NLE1: variants seen among roughly 807,000 people sequenced by gnomAD.
The protein encoded by NLE1 is notchless protein homolog 1.
Under a neutral mutation model 62.8 loss-of-function variants are expected in NLE1, and 37 were observed. The ratio of observed to expected loss-of-function variants is 0.59; its 90% confidence interval spans 0.45 to 0.78. NLE1 has a LOEUF of 0.78. NLE1 is among the 30% of genes least tolerant of loss of function. The pLI is 0.00. For synonymous variants in NLE1, 243 were observed against 253.0 expected (o/e 0.96, Z 0.37); for missense variants, 555 against 637.9 (o/e 0.87, Z 1.40).
chr17:35,129,269 G>A lies in NLE1; in HGVS notation c.*3168C>T, dbSNP rs1375831567. The A allele has an allele frequency of 4.2e-6, 4 of 945,012 alleles. No homozygotes were observed. The highest frequency in any genetic ancestry group is 1.6e-5 in the African/African-American group (1 of 61,106). The allele number at this position is 945,012 out of a possible 1,614,324, so 58.5% of individuals were successfully genotyped here. ...CTTCGGGGCAGGGGTTCCACACTCA[G>A]TGCTGCAGTACCTTGCACCTTCCAT... On this transcript the variant is annotated 3_prime_UTR_variant, in exon 13 of 13. Coordinates refer to ENST00000442241, the MANE Select transcript of NLE1 (RefSeq NM_018096.5).
Position 35,130,522 on chromosome 17 carries a change from C to A in NLE1, c.*1915G>T. On this transcript the variant is annotated 3_prime_UTR_variant, in exon 13 of 13. Coordinates refer to ENST00000442241, the MANE Select transcript of NLE1 (RefSeq NM_018096.5). ...AGAGCCATGAGACCTACCATACCAC[C>A]AGCACCCTGCGGGCCCGGGGTCTGG... 7.2e-7 allele frequency: 1 copy of A among 1,396,048 alleles called. No homozygotes were observed. Among genetic ancestry groups the A allele is most frequent in the Non-Finnish European group, 9.8e-7 (1 of 1,021,020 alleles). 86.5% of individuals were successfully genotyped at this position (1,396,048 alleles called of 1,614,324 possible).
Position 35,136,160 on chromosome 17 carries a change from C to G in NLE1, c.1011+9G>C. 1.9e-6 allele frequency: 3 copies of G among 1,614,104 alleles called. No homozygotes were observed. The South Asian group carries it at 3.3e-5, about 18-fold the overall frequency. On this transcript the variant is annotated intron_variant, in intron 9 of 12. Coordinates refer to ENST00000442241, the MANE Select transcript of NLE1 (RefSeq NM_018096.5). Reference sequence around the variant, plus strand: ...GAGCTAGGGGTGCACGTGGCTGGCACACACTCACCCGCACGAGGTTGTATC... The same window carrying G: ...GAGCTAGGGGTGCACGTGGCTGGCAGACACTCACCCGCACGAGGTTGTATC...
In NLE1 at chr17:35,139,757, C is replaced by T. The variant is rs944139220; in HGVS notation, c.380+92G>A. On this transcript the variant is annotated intron_variant, in intron 3 of 12. Coordinates refer to ENST00000442241, the MANE Select transcript of NLE1 (RefSeq NM_018096.5). Reference sequence around the variant, plus strand: ...GGGTCTATGGTAGGCAGCCCTGAGGCCCCATCAATTATAACTCTGGGAGAC... The same window carrying T: ...GGGTCTATGGTAGGCAGCCCTGAGGTCCCATCAATTATAACTCTGGGAGAC... 11 of 1,529,066 alleles carry T rather than the reference C, an allele frequency of 7.2e-6. No homozygotes were observed. In the African/African-American group the frequency reaches 1.2e-4, roughly 17 times the overall value. The allele number at this position is 1,529,066 out of a possible 1,614,324, so 94.7% of individuals were successfully genotyped here.
At chr17:35,137,746 C>A in intron 5 of NLE1, 68 bp downstream of exon 5, 1 of 1,228,928 alleles carries the variant, frequency 8.1e-7, no homozygotes, top group Non-Finnish European at 1.2e-6. Context: ...ACTCCTGAAC[C>A]TGATTCTGAA....
At chr17:35,135,527 C>A (rs766516156) in intron 9 of NLE1, 76 bp from the exon 10 acceptor site, 41 of 1,310,146 alleles carry the variant, frequency 3.1e-5, no homozygotes, top group Non-Finnish European at 4.4e-5. Context: ...TGGCAGCAAG[C>A]ATACACCCTG....
Position 35,139,314 on chromosome 17 carries a change from C to T in NLE1, c.381G>A (p.Lys127=). 1 of 1,613,732 alleles carries T rather than the reference C, an allele frequency of 6.2e-7. No homozygotes were observed. The highest frequency in any genetic ancestry group is 1.3e-5 in the African/African-American group (1 of 75,042). Residue 127 remains lysine, a splice_region_variant and synonymous_variant, in exon 4 of 13, where the codon AAG becomes AAA. Transcript: ENST00000442241. ...VISVAFSPTG[K]YLASGSGDTT... is the part of the protein sequence containing the mutation. ...TGTCTCCAGAGCCACTGGCCAGGTA[C>T]CTGGGGAAGAAGAGAGGATGCTTGA...
rs2091897565 is a variant in NLE1 at position 35,134,567 on chromosome 17, T to C, written c.1214+682A>G. ...GGCACGTGCCACTATGCCTGGCTAATTTTTGTATTTTTAGTAGAGACAGGG... is the reference window on the plus strand; with the variant it reads ...GGCACGTGCCACTATGCCTGGCTAACTTTTGTATTTTTAGTAGAGACAGGG... On this transcript the variant is annotated intron_variant, in intron 10 of 12. Transcript: ENST00000442241. Among the ~76,000 whole-genome samples the C allele has an allele frequency of 2.6e-5, 4 of 152,180 alleles. No homozygotes were observed. The South Asian group carries it at 8.3e-4, about 32-fold the overall frequency.
chr17:35,136,139 T>C (rs1020337313), intron 9 of NLE1, 30 bp downstream of exon 9: 15 of 1,612,934 alleles, frequency 9.3e-6, no homozygotes, highest in Non-Finnish European at 1.2e-5. Context: ...GGTACAGAGC[T>C]AGGGGTGCAC....
rs750858479 is a variant in NLE1, at chr17:35,137,915, T to C, written c.461-25A>G. The C allele has an allele frequency of 7.0e-6, 11 of 1,574,390 alleles. No homozygotes were observed. The Admixed American group carries it at 1.5e-4, about 22-fold the overall frequency. ...CCTAAGAAAGCAGAGGAGGGAGAAA[T>C]AAGGGACTACATCTGTCTTTATCCC... On this transcript the variant is annotated intron_variant, in intron 4 of 12. Coordinates refer to ENST00000442241, the MANE Select transcript of NLE1 (RefSeq NM_018096.5).
intron 9 of NLE1, 28 bp downstream of exon 9, chr17:35,136,141 G>T: frequency 6.2e-7 from 1 of 1,613,096 alleles, no homozygotes; most frequent in Middle Eastern, 1.7e-4. Flanking sequence ...TACAGAGCTA[G>T]GGGTGCACGT....
Position 35,135,556 on chromosome 17 carries a change from CAGAG to C in NLE1, c.1012-109_1012-106del, listed in dbSNP as rs550371740. The C allele has an allele frequency of 1.5e-4, 152 of 982,904 alleles. No homozygotes were observed. In the African/African-American group the frequency reaches 2.1e-3, roughly 14 times the overall value. The allele number at this position is 982,904 out of a possible 1,614,324, so 60.9% of individuals were successfully genotyped here. A position where few individuals can be genotyped will look rare whatever the true frequency, so the allele number is the denominator to read the frequency against. On this transcript the variant is annotated intron_variant, in intron 9 of 12. Coordinates refer to ENST00000442241, the MANE Select transcript of NLE1 (RefSeq NM_018096.5). ...CACCCTGATTACTCAATGCCAGGGA[CAGAG>C]AGAGGCCAGCGCTAGGAGCAATGAG... is the stretch of plus-strand genomic sequence containing the variant.
rs2091903240 is a variant in NLE1 at position 35,135,522 on chromosome 17, G to A, written c.1012-71C>T. The A allele has an allele frequency of 2.9e-6, 4 of 1,356,108 alleles. No individual in the cohort carries two copies. The Admixed American group carries it at 5.5e-5, about 19-fold the overall frequency. The allele number at this position is 1,356,108 out of a possible 1,614,324, so 84.0% of individuals were successfully genotyped here. On this transcript the variant is annotated intron_variant, in intron 9 of 12. Coordinates refer to ENST00000442241, the MANE Select transcript of NLE1 (RefSeq NM_018096.5). ...GAAGGAGGAGGGCCCGACTTTGGCA[G>A]CAAGCATACACCCTGATTACTCAAT...
At position 35,139,312 on chromosome 17, in the gene NLE1, T is replaced by C. The variant is rs2091928519; in HGVS notation, c.383A>G (p.Tyr128Cys). ...ISVAFSPTGK[Y>C]LASGSGDTTV... ...GGTGTCTCCAGAGCCACTGGCCAGG[T>C]ACCTGGGGAAGAAGAGAGGATGCTT... Residue 128 changes from tyrosine (Y) to cysteine (C), a missense_variant and splice_region_variant, in exon 4 of 13, where the codon TAC (tyrosine) becomes TGC (cysteine). Transcript: ENST00000442241. 2 of 1,613,088 alleles carry C rather than the reference T, an allele frequency of 1.2e-6. No homozygotes were observed. The highest frequency in any genetic ancestry group is 2.7e-5 in the African/African-American group (2 of 74,904).
In NLE1 at chr17:35,142,278, T is replaced by C. The variant is rs2091949523; in HGVS notation, c.-3A>G. 3 of 1,541,496 alleles carry C rather than the reference T, an allele frequency of 1.9e-6. No homozygotes were observed. The highest frequency in any genetic ancestry group is 2.6e-6 in the Non-Finnish European group (3 of 1,146,578). On this transcript the variant is annotated 5_prime_UTR_variant, in exon 1 of 13. Transcript: ENST00000442241. The stretch of plus-strand genomic sequence containing the variant: ...CCCACCGGCACTGCTGCCGCCATCC[T>C]GCGTCCCCACGTGGAGGAGAAAGAG...
rs1426349344 is a variant in NLE1 at position 35,130,750 on chromosome 17, T to C, written c.*1687A>G. Reference sequence around the variant, plus strand: ...ATCCAGCACCCTAAAGTCTGCTTTATGCTGCAGACAGCCTCAGATGGGCTG... The same window carrying C: ...ATCCAGCACCCTAAAGTCTGCTTTACGCTGCAGACAGCCTCAGATGGGCTG... On this transcript the variant is annotated 3_prime_UTR_variant, in exon 13 of 13. Coordinates refer to ENST00000442241, the MANE Select transcript of NLE1 (RefSeq NM_018096.5). The C allele has an allele frequency of 3.6e-6, 1 of 279,974 alleles. No individual in the cohort carries two copies. The highest frequency in any genetic ancestry group is 6.8e-6 in the Non-Finnish European group (1 of 146,802). The allele number at this position is 279,974 out of a possible 1,614,324, so 17.3% of individuals were successfully genotyped here. A position where few individuals can be genotyped will look rare whatever the true frequency, so the allele number is the denominator to read the frequency against.
chr17:35,141,961 C>T lies in NLE1; in HGVS notation c.162+18G>A, dbSNP rs1032016875. 1.9e-5 allele frequency: 30 copies of T among 1,558,194 alleles called. No individual in the cohort carries two copies. Among genetic ancestry groups the T allele is most frequent in the Non-Finnish European group, 2.2e-5 (25 of 1,151,458 alleles). On this transcript the variant is annotated intron_variant, in intron 2 of 12. Coordinates refer to ENST00000442241, the MANE Select transcript of NLE1 (RefSeq NM_018096.5). Reference sequence around the variant, plus strand: ...GCCCGGGGGTGGAGATGCGAGGCCGCCCTGGCCAGCCACTTACCTGGGCCA... The same window carrying T: ...GCCCGGGGGTGGAGATGCGAGGCCGTCCTGGCCAGCCACTTACCTGGGCCA...
chr17:35,137,106 G>C lies in NLE1; in HGVS notation c.723C>G (p.Ile241Met). 1 of 1,613,916 alleles carries C rather than the reference G, an allele frequency of 6.2e-7. No individual in the cohort carries two copies. The highest frequency in any genetic ancestry group is 1.7e-5 in the Admixed American group (1 of 59,986). Residue 241 changes from isoleucine to methionine, a missense_variant, in exon 7 of 13, where the codon ATC (isoleucine) becomes ATG (methionine). Coordinates refer to ENST00000442241, the MANE Select transcript of NLE1 (RefSeq NM_018096.5). ...WDTTAGRCER[I>M]LTGHTQSVTC... ...TGACCGACTGGGTGTGCCCGGTGAG[G>C]ATGCGCTCACAGCGGCCTGCAGTTG... is the stretch of plus-strand genomic sequence containing the variant.
intron 7 of NLE1, among the ~76,000 whole-genome samples, 198 bp downstream of exon 7, chr17:35,136,803 C>T (rs2091911515): frequency 6.6e-6 from 1 of 152,118 alleles, no homozygotes; most frequent in Non-Finnish European, 1.5e-5. Context: ...GTGTGACGAT[C>T]TCATGGGGAC....
rs1288531535 is a variant in NLE1, at chr17:35,128,770, T to C, written c.*3667A>G. On this transcript the variant is annotated 3_prime_UTR_variant, in exon 13 of 13. Transcript: ENST00000442241. ...AGCATATTACATTTATTGTGTACTT[T>C]ATTTCTATTATTATTACATTGTAAT... 6.4e-6 allele frequency: 1 copy of C among 155,228 alleles called. No homozygotes were observed. Among genetic ancestry groups the C allele is most frequent in the African/African-American group, 2.4e-5 (1 of 41,518 alleles). 9.6% of individuals were successfully genotyped at this position (155,228 alleles called of 1,614,324 possible).
Sources: allele counts gnomAD v4.1 joint callset (sites outside exome capture counted in the v4.1 genomes callset), GRCh38; gene constraint gnomAD v4.1.1; transcripts MANE v1.5; gene names NCBI Gene and HGNC (gene_info 2026-07-23, HGNC 2026-07-21).